Variants in AEBP2 observed in about 807,000 individuals in gnomAD.
AEBP2 encodes AE binding protein 2.
In AEBP2, 10 loss-of-function variants were observed where a neutral mutation model predicts 50.8. That is an observed-to-expected ratio of 0.20 (90% CI 0.12 to 0.33). AEBP2 has a LOEUF of 0.33. AEBP2 is among the 10% of genes least tolerant of loss of function. The pLI is 1.00. For synonymous variants in AEBP2, 296 were observed against 261.3 expected, an observed-to-expected ratio of 1.13 and a Z score of -1.28; for missense variants, 570 against 688.0, an observed-to-expected ratio of 0.83 and a Z score of 1.92.
chr12:19,440,414 C>T lies in AEBP2; in HGVS notation c.671+44C>T, dbSNP rs752248302. On this transcript the variant is annotated intron_variant, in intron 1 of 7. Transcript: ENST00000266508. ...TTCCCCTTCCCTTCCTCCTCTTGAA[C>T]TCCCGGGCCCCTCAGAGGGGGACCA... is the stretch of plus-strand genomic sequence containing the variant. The T allele has an allele frequency of 4.1e-6, 6 of 1,454,580 alleles. No individual in the cohort carries two copies. In the South Asian group the frequency reaches 6.1e-5, roughly 15 times the overall value. The allele number at this position is 1,454,580 out of a possible 1,614,324, so 90.1% of individuals were successfully genotyped here.
At position 19,439,723 on chromosome 12, in the gene AEBP2, G is replaced by T. The variant is rs897037060; in HGVS notation, c.24G>T (p.Met8Ile). 6.6e-7 allele frequency: 1 copy of T among 1,517,720 alleles called. No homozygotes were observed. The highest frequency in any genetic ancestry group is 8.8e-7 in the Non-Finnish European group (1 of 1,139,282). The allele number at this position is 1,517,720 out of a possible 1,614,324, so 94.0% of individuals were successfully genotyped here. MAAAITD[M>I]ADLEELSRLS... ...CCATGGCCGCCGCTATCACCGACAT[G>T]GCCGACCTGGAGGAGCTCTCCCGCC... The change falls in exon 1 of 8, where the codon ATG (methionine) becomes ATT (isoleucine). Residue 8 changes from methionine (M) to isoleucine (I), a missense_variant. Met to Ile is a conservative substitution (Grantham distance 10). Around this residue, in one of 2 missense-constraint regions of AEBP2, gnomAD observed 386 missense variants for 336.8 expected, o/e 1.15. Transcript: ENST00000266508.
rs1423232249 is a variant in AEBP2 at position 19,439,672 on chromosome 12, AG to A, written c.-26del. On this transcript the variant is annotated 5_prime_UTR_variant, in exon 1 of 8. Coordinates refer to ENST00000266508, the MANE Select transcript of AEBP2 (RefSeq NM_153207.5). ...AGAGAGGGAGGCGGCGGTGGGGAGG[AG>A]GAGGAGGAGGAGGAGCAGGCGCCGC... 11 of 1,286,468 alleles carry A rather than the reference AG, an allele frequency of 8.6e-6. No individual in the cohort carries two copies. The Admixed American group carries it at 1.8e-4, about 21-fold the overall frequency. 79.7% of individuals were successfully genotyped at this position (1,286,468 alleles called of 1,614,324 possible).
rs756821893 is a variant in AEBP2 at position 19,423,258 on chromosome 12, A to G, written c.-17+19042A>G. 5.9e-5 allele frequency among the ~76,000 whole-genome samples: 9 copies of G among 151,982 alleles called. 1 individual carries two copies. Among genetic ancestry groups the G allele is most frequent in the Non-Finnish European group, 1.3e-4 (9 of 68,000 alleles). On this transcript the variant is annotated intron_variant, in intron 1 of 3. Transcript: ENST00000538425. Reference sequence around the variant, plus strand: ...CAGCAACCTCCTACTTTCCAGGTCTAAGTTCTATTTGATTTTATATTGTTC... The same window carrying G: ...CAGCAACCTCCTACTTTCCAGGTCTGAGTTCTATTTGATTTTATATTGTTC...
rs1373234918 is a variant in AEBP2 at position 19,519,683 on chromosome 12, A to T, written c.*1566A>T. Reference sequence around the variant, plus strand: ...TTTTTTAAAGAAATATTAGACAAAAATATAGAATTAAAACCTTTGGTTCCA... The same window carrying T: ...TTTTTTAAAGAAATATTAGACAAAATTATAGAATTAAAACCTTTGGTTCCA... On this transcript the variant is annotated 3_prime_UTR_variant, in exon 8 of 8. Transcript: ENST00000266508. The T allele has an allele frequency of 6.6e-6, 1 of 152,614 alleles. No individual in the cohort carries two copies. Among genetic ancestry groups the T allele is most frequent in the Non-Finnish European group, 1.5e-5 (1 of 67,998 alleles). The allele number at this position is 152,614 out of a possible 1,614,324, so 9.5% of individuals were successfully genotyped here.
chr12:19,456,261 G>A, intron 1 of AEBP2: 1 of 1,527,388 alleles, frequency 6.5e-7, no homozygotes, highest in Non-Finnish European at 9.0e-7. Flanking sequence ...AGCCTTTTGA[G>A]CTTTCTGGGC....
At chr12:19,498,938 A>C (rs1472213036) in intron 4 of AEBP2, among the ~76,000 whole-genome samples, 2 of 152,086 alleles carry the variant, frequency 1.3e-5, no homozygotes, top group East Asian at 3.9e-4. Flanking sequence ...TTGAGCCCAG[A>C]AGTTAGTTTG....
At chr12:19,419,091 T>C in intron 1 of AEBP2, 1 of 165,192 alleles carries the variant, frequency 6.1e-6, no homozygotes, top group Non-Finnish European at 1.4e-5. Context: ...ACAGGTTGAC[T>C]TGTGCTGTTT....
intron 1 of AEBP2, among the ~76,000 whole-genome samples, chr12:19,422,123 T>C (rs572905382): frequency 9.2e-5 from 14 of 152,114 alleles, no homozygotes; most frequent in African/African-American, 2.9e-4. Context: ...GCCTGGGTGA[T>C]AGAGCAAGAC....
At chr12:19,452,691 C>G (rs745477307) in intron 1 of AEBP2, among the ~76,000 whole-genome samples, 2 of 152,088 alleles carry the variant, frequency 1.3e-5, no homozygotes, top group Non-Finnish European at 2.9e-5. Flanking sequence ...ATTAGGTGTA[C>G]AACTTCAGAG....
At chr12:19,495,990 T>A (rs1488528761) in intron 4 of AEBP2, among the ~76,000 whole-genome samples, 9 of 152,202 alleles carry the variant, frequency 5.9e-5, no homozygotes, top group Non-Finnish European at 2.9e-5. Flanking sequence ...TAGCTTGCAG[T>A]TGCACACAGA....
At chr12:19,434,594 A>G (rs2095753256), upstream of AEBP2, among the ~76,000 whole-genome samples, 1 of 152,254 alleles carries the variant, frequency 6.6e-6, no homozygotes, top group African/African-American at 2.4e-5. Context: ...TGCACAGTTT[A>G]TGAATGGGTA....
intron 5 of AEBP2, chr12:19,509,020 G>T: frequency 3.5e-6 from 2 of 569,438 alleles, no homozygotes; most frequent in South Asian, 3.0e-5. Context: ...AGAACGTTGG[G>T]AAAGCACCAA....
intron 1 of AEBP2, among the ~76,000 whole-genome samples, chr12:19,448,093 G>A (rs1054916715): frequency 1.3e-5 from 2 of 152,092 alleles, no homozygotes; most frequent in Non-Finnish European, 2.9e-5. Context: ...TGAAAATGGA[G>A]ACTAGGTCTT....
intron 1 of AEBP2, among the ~76,000 whole-genome samples, chr12:19,453,671 G>A (rs549134204): frequency 5.3e-5 from 8 of 151,858 alleles, no homozygotes; most frequent in African/African-American, 1.7e-4. Flanking sequence ...TGATCCACCC[G>A]CCTTGGCCTC....
intron 1 of AEBP2, among the ~76,000 whole-genome samples, chr12:19,453,089 C>T (rs984461271): frequency 3.3e-5 from 5 of 151,858 alleles, no homozygotes; most frequent in Admixed American, 2.0e-4. Context: ...CTGCCTCAGC[C>T]TCCCGAGTAG....
intron 1 of AEBP2, among the ~76,000 whole-genome samples, chr12:19,420,183 T>C (rs2095744872): frequency 6.7e-6 from 1 of 148,400 alleles, no homozygotes; most frequent in South Asian, 2.2e-4. Flanking sequence ...GACACCTTGA[T>C]TGGCTAATTT....
intron 1 of AEBP2, among the ~76,000 whole-genome samples, chr12:19,431,096 A>C (rs1403582323): frequency 6.6e-6 from 1 of 152,134 alleles, no homozygotes; most frequent in African/African-American, 2.4e-5. Context: ...ATATACAGGC[A>C]AGTAAAGAAA....
At chr12:19,469,284 G>T (rs16915505) in intron 2 of AEBP2, among the ~76,000 whole-genome samples, 1 of 152,062 alleles carries the variant, frequency 6.6e-6, no homozygotes, top group African/African-American at 2.4e-5. Flanking sequence ...GGACATTCTG[G>T]CAGGAAAACC....
chr12:19,477,359 G>C (rs1448815531), intron 3 of AEBP2, among the ~76,000 whole-genome samples: 1 of 152,124 alleles, frequency 6.6e-6, no homozygotes, highest in Admixed American at 6.6e-5. Context: ...TGGTGAGGGT[G>C]GACCATCCTT....
Sources: gnomAD v4.1 joint callset for allele counts (sites outside exome capture counted in the v4.1 genomes callset) on GRCh38, gnomAD v4.1.1 for gene constraint, gnomAD v4.1.1 regional missense constraint, MANE v1.5 for transcripts, NCBI Gene and HGNC (gene_info 2026-07-23, HGNC 2026-07-21) for gene names.